The following ADAMTS2 variants were observed in gnomAD, a reference collection of about 807,000 sequenced individuals.
ADAMTS2 encodes the protein ADAM metallopeptidase with thrombospondin type 1 motif 2.
ADAMTS2 carries 50 observed loss-of-function variants against 123.0 expected under a neutral mutation model. The ratio of observed to expected loss-of-function variants is 0.41; its 90% confidence interval spans 0.32 to 0.51. ADAMTS2 has a LOEUF of 0.51. Among genes scored for constraint, ADAMTS2 ranks in the 20% least tolerant of loss-of-function variants. The pLI is 0.35. For synonymous variants in ADAMTS2, 678 were observed against 695.4 expected (o/e 0.98, Z 0.39); for missense variants, 1,494 against 1,705.2 (o/e 0.88, Z 2.18).
In ADAMTS2 at chr5:179,336,801, G is replaced by C. The variant is rs28701959; in HGVS notation, c.534+6966C>G. On this transcript the variant is annotated intron_variant, in intron 2 of 21. Coordinates refer to ENST00000251582, the MANE Select transcript of ADAMTS2 (RefSeq NM_014244.5). ...GCTTGTCCACCCTGCCGGTCACGAGGAGCACAGCGGACCATGTGACCCGCA... is the reference window on the plus strand; with the variant it reads ...GCTTGTCCACCCTGCCGGTCACGAGCAGCACAGCGGACCATGTGACCCGCA... 6.4e-3 allele frequency among the ~76,000 whole-genome samples: 982 copies of C among 152,272 alleles called. 9 individuals carry two copies. Among genetic ancestry groups the C allele is most frequent in the African/African-American group, 0.022 (914 of 41,560 alleles).
At chr5:179,334,157 G>A (rs1757548813) in intron 2 of ADAMTS2, among the ~76,000 whole-genome samples, 1 of 152,186 alleles carries the variant, frequency 6.6e-6, no homozygotes, top group Non-Finnish European at 1.5e-5. Flanking sequence ...CCCACACATG[G>A]CCCAAAGGGC....
chr5:179,340,059 A>C (rs1757729952), intron 2 of ADAMTS2, among the ~76,000 whole-genome samples: 1 of 152,222 alleles, frequency 6.6e-6, no homozygotes, highest in African/African-American at 2.4e-5. Context: ...CTTGCCATGC[A>C]ACCTTGGGTC....
chr5:179,222,499 G>A lies in ADAMTS2; in HGVS notation c.689-14784C>T, dbSNP rs1176253276. 3.3e-5 allele frequency among the ~76,000 whole-genome samples: 5 copies of A among 152,350 alleles called. No homozygotes were observed. The East Asian group carries it at 9.7e-4, about 29-fold the overall frequency. On this transcript the variant is annotated intron_variant, in intron 3 of 21. Coordinates refer to ENST00000251582, the MANE Select transcript of ADAMTS2 (RefSeq NM_014244.5). Reference sequence around the variant, plus strand: ...CCCTGCCTGCAGAGAGGATGGCAAAGGCCCTGCTTGCCGGGCCCCAGCTGC... The same window carrying A: ...CCCTGCCTGCAGAGAGGATGGCAAAAGCCCTGCTTGCCGGGCCCCAGCTGC...
Position 179,113,700 on chromosome 5 carries a change from A to T in ADAMTS2, c.*167T>A. 1 of 721,344 alleles carries T rather than the reference A, an allele frequency of 1.4e-6. No individual in the cohort carries two copies. The allele number at this position is 721,344 out of a possible 1,614,324, so 44.7% of individuals were successfully genotyped here. On this transcript the variant is annotated 3_prime_UTR_variant, in exon 22 of 22. Transcript: ENST00000251582. ...GGGAAGCACACGTGCTAACCTAGTTACCACATGCTCATGCCTATCTTTCTT... is the reference window on the plus strand; with the variant it reads ...GGGAAGCACACGTGCTAACCTAGTTTCCACATGCTCATGCCTATCTTTCTT...
At position 179,340,870 on chromosome 5, in the gene ADAMTS2, G is replaced by C. The variant is rs993329380; in HGVS notation, c.534+2897C>G. ...TGTAAAAACCACGTGAAATTAGCAC[G>C]CCTACCACGCTGCCCAGGAGATACT... On this transcript the variant is annotated intron_variant, in intron 2 of 21. Transcript: ENST00000251582. Among the ~76,000 whole-genome samples the C allele has an allele frequency of 4.6e-5, 7 of 152,150 alleles. No individual in the cohort carries two copies. In the South Asian group the frequency reaches 1.5e-3, roughly 32 times the overall value.
chr5:179,277,249 C>T (rs1288802353), intron 2 of ADAMTS2, among the ~76,000 whole-genome samples: 1 of 152,140 alleles, frequency 6.6e-6, no homozygotes. Context: ...TCTCTGTTGA[C>T]CACCGTGCGA....
At position 179,273,018 on chromosome 5, in the gene ADAMTS2, A is replaced by G. The variant is rs1168475702; in HGVS notation, c.581T>C (p.Leu194Ser). Residue 194 changes from leucine (L) to serine (S), a missense_variant, in exon 3 of 22, where the codon TTG (leucine) becomes TCG (serine). By Grantham distance (145) the Leu-to-Ser change is moderately radical. Coordinates refer to ENST00000251582, the MANE Select transcript of ADAMTS2 (RefSeq NM_014244.5). The part of the protein sequence containing the change: ...MEEEEFFIEP[L>S]EKGLAAQEAE... ...CTCCTGCGCCGCCAGCCCCTTCTCCAAGGGTTCGATGAAGAACTCCTCCTC... is the reference window on the plus strand; with the variant it reads ...CTCCTGCGCCGCCAGCCCCTTCTCCGAGGGTTCGATGAAGAACTCCTCCTC... The G allele has an allele frequency of 6.2e-7, 1 of 1,613,490 alleles. No individual in the cohort carries two copies. The highest frequency in any genetic ancestry group is 2.2e-5 in the East Asian group (1 of 44,866).
intron 2 of ADAMTS2, among the ~76,000 whole-genome samples, chr5:179,316,475 C>A (rs1484355094): frequency 1.3e-5 from 2 of 152,152 alleles, no homozygotes; most frequent in African/African-American, 2.4e-5. Context: ...CCTGCCTAGG[C>A]CCCCTAGGGC....
At chr5:179,288,863 G>A (rs1756104003) in intron 2 of ADAMTS2, among the ~76,000 whole-genome samples, 1 of 152,248 alleles carries the variant, frequency 6.6e-6, no homozygotes, top group Non-Finnish European at 1.5e-5. Context: ...TGGCACCCCA[G>A]GGTATGAAAG....
At chr5:179,226,359 C>T (rs907172643) in intron 3 of ADAMTS2, among the ~76,000 whole-genome samples, 6 of 151,868 alleles carry the variant, frequency 4.0e-5, no homozygotes, top group African/African-American at 1.4e-4. Flanking sequence ...CACCGCCTCC[C>T]GGATTCAAGC....
Position 179,245,639 on chromosome 5 carries a change from G to A in ADAMTS2, c.688+27272C>T, listed in dbSNP as rs545914386. Among the ~76,000 whole-genome samples, 39 of 149,870 alleles carry A rather than the reference G, an allele frequency of 2.6e-4. No homozygotes were observed. The Middle Eastern group carries it at 0.01, about 39-fold the overall frequency. ...AAATTAGCCGGGCGTGGTAGCGGGC[G>A]CCTGTAGTCCCAGCTACTCGGGAGG... On this transcript the variant is annotated intron_variant, in intron 3 of 21. Transcript: ENST00000251582.
chr5:179,246,131 T>G (rs2113460674), intron 3 of ADAMTS2, among the ~76,000 whole-genome samples: 1 of 152,330 alleles, frequency 6.6e-6, no homozygotes, highest in Admixed American at 6.5e-5. Flanking sequence ...ACCATTATCT[T>G]ATTCTCCAAC....
In ADAMTS2 at chr5:179,197,966, C is replaced by CAGGCGCTG. The variant is rs1764466635; in HGVS notation, c.891+9539_891+9546dup. 6.6e-6 allele frequency among the ~76,000 whole-genome samples: 1 copy of CAGGCGCTG among 152,220 alleles called. No homozygotes were observed. Among genetic ancestry groups the CAGGCGCTG allele is most frequent in the Non-Finnish European group, 1.5e-5 (1 of 68,038 alleles). On this transcript the variant is annotated intron_variant, in intron 4 of 21. Coordinates refer to ENST00000251582, the MANE Select transcript of ADAMTS2 (RefSeq NM_014244.5). This position sits in a 1 kb window ranked among gnomAD's most constrained non-coding sequence, Gnocchi z 4.2. ...TCTGGTTTGTGAGCAGAGACTAGCCCAGGCGCTGGCAGAGCAAGTTTTTGA... is the reference window on the plus strand; with the variant it reads ...TCTGGTTTGTGAGCAGAGACTAGCCCAGGCGCTGAGGCGCTGGCAGAGCAAGTTTTTGA...
intron 12 of ADAMTS2, among the ~76,000 whole-genome samples, chr5:179,137,389 T>C (rs756830443): frequency 5.9e-5 from 9 of 152,218 alleles, no homozygotes; most frequent in African/African-American, 2.2e-4. Context: ...TCCCGACTAA[T>C]AGAGAAGGTC....
In ADAMTS2 at chr5:179,255,646, G is replaced by A. The variant is rs114812372; in HGVS notation, c.688+17265C>T. Among the ~76,000 whole-genome samples, 1,457 of 152,084 alleles carry A rather than the reference G, an allele frequency of 9.6e-3. 18 individuals carry two copies. Among genetic ancestry groups the A allele is most frequent in the Middle Eastern group, 0.031 (9 of 294 alleles). ...CTGGCTGGGGCCTGACTCAGAATGG[G>A]GTCAGCAAAGCCCTGAGGTAGAGCC... is the stretch of plus-strand genomic sequence containing the variant. On this transcript the variant is annotated intron_variant, in intron 3 of 21. Coordinates refer to ENST00000251582, the MANE Select transcript of ADAMTS2 (RefSeq NM_014244.5).
In ADAMTS2 at chr5:179,158,864, C is replaced by T. The variant is rs17667857; in HGVS notation, c.991G>A (p.Glu331Lys). Residue 331 changes from glutamate to lysine, a missense_variant, in exon 6 of 22, where the codon GAG becomes AAG. Transcript: ENST00000251582. The surrounding 1 kb of genome is among the most constrained non-coding windows in gnomAD (Gnocchi z 5.0). ...AGGCTCTGAGAGGGGTTCCCGATCT[C>T]GATGAGGCTCATGGACTGCAGGGGG... Reference protein sequence around the residue: ...LSYGKSMSLIEIGNPSQSLEN... With the variant: ...LSYGKSMSLIKIGNPSQSLEN... The T allele has an allele frequency of 1.7e-4, 275 of 1,613,982 alleles. No homozygotes were observed. The highest frequency in any genetic ancestry group is 2.1e-4 in the Non-Finnish European group (249 of 1,180,052).
In ADAMTS2 at chr5:179,152,159, T is replaced by C. The variant is rs911700899; in HGVS notation, c.1612A>G (p.Met538Val). The C allele has an allele frequency of 1.9e-6, 3 of 1,613,714 alleles. No homozygotes were observed. The highest frequency in any genetic ancestry group is 2.5e-6 in the Non-Finnish European group (3 of 1,179,824). ...TKKGPPLDGTMCAPGKHCFKG... is the reference protein window; with the variant it reads ...TKKGPPLDGTVCAPGKHCFKG... ...TGCCTCACCTTGCCAGGTGCACACA[T>C]AGTCCCGTCCAAGGGGGGCCCCTTC... Residue 538 changes from methionine to valine, a missense_variant, in exon 10 of 22, where the codon ATG (methionine) becomes GTG (valine). Physicochemically the swap from Met to Val is conservative, Grantham distance 21. Transcript: ENST00000251582.
Position 179,303,061 on chromosome 5 carries a change from T to G in ADAMTS2, c.535-29997A>C, listed in dbSNP as rs2431423. Among the ~76,000 whole-genome samples the G allele has an allele frequency of 0.25, 38,298 of 150,478 alleles. 5,307 individuals are homozygous for G. Among genetic ancestry groups the G allele is most frequent in the Admixed American group, 0.34 (5,195 of 15,100 alleles). The stretch of plus-strand genomic sequence containing the variant: ...AGACTGCACAGAGCTTCCTCTGCTG[T>G]GGGGAGGAGATTGGATTTTCTCCTC... On this transcript the variant is annotated intron_variant, in intron 2 of 21. Coordinates refer to ENST00000251582, the MANE Select transcript of ADAMTS2 (RefSeq NM_014244.5). This position sits in a 1 kb window ranked among gnomAD's most constrained non-coding sequence, Gnocchi z 4.7.
At chr5:179,266,825 A>C (rs986149393) in intron 3 of ADAMTS2, among the ~76,000 whole-genome samples, 5 of 152,078 alleles carry the variant, frequency 3.3e-5, no homozygotes, top group African/African-American at 1.2e-4. Context: ...GGGGCTGGCT[A>C]TCTGCTCGCC....
Sources: gnomAD v4.1 joint callset for allele counts (sites outside exome capture counted in the v4.1 genomes callset) on GRCh38, gnomAD v4.1.1 for gene constraint, Gnocchi (gnomAD v3.1) non-coding constraint, MANE v1.5 for transcripts, NCBI Gene and HGNC (gene_info 2026-07-23, HGNC 2026-07-21) for gene names.